BMPR2: variants seen among roughly 807,000 people sequenced by gnomAD.
BMPR2 encodes bone morphogenetic protein receptor type-2.
In BMPR2, 29 loss-of-function variants were observed where a neutral mutation model predicts 100.8. That is an observed-to-expected ratio of 0.29 (90% CI 0.21 to 0.39). The LOEUF is 0.39. BMPR2 is among the 10% of genes least tolerant of loss of function. The probability of loss-of-function intolerance (pLI) is 1.00; values close to 1 mark genes in which losing one functional copy is unlikely to be tolerated. For missense variants in BMPR2, 1,011 were observed against 1,274.5 expected (o/e 0.79, Z 3.15); for synonymous variants, 382 against 442.3 (o/e 0.86, Z 1.71).
intron 12 of BMPR2, among the ~76,000 whole-genome samples, chr2:202,558,892 CAA>C (rs538329842): frequency 3.8e-4 from 31 of 81,400 alleles, no homozygotes; most frequent in East Asian, 4.4e-4. Flanking sequence ...AACTCCATCT[CAA>C]AAAAAAAAAA....
chr2:202,533,973 T>G (rs1413965351), intron 9 of BMPR2, among the ~76,000 whole-genome samples: 1 of 152,162 alleles, frequency 6.6e-6, no homozygotes, highest in East Asian at 1.9e-4. Flanking sequence ...TGCATTCTTC[T>G]AGGTGCTATA....
At chr2:202,513,636 G>A in intron 3 of BMPR2, 83 bp from the exon 4 acceptor site, 1 of 981,204 alleles carries the variant, frequency 1.0e-6, no homozygotes, top group East Asian at 2.5e-5. Flanking sequence ...CATGGGTACA[G>A]CCTTTCTAAA....
rs1688288741 is a variant in BMPR2, at chr2:202,542,195, T to C, written c.1277-116T>C. On this transcript the variant is annotated intron_variant, in intron 9 of 12. Coordinates refer to ENST00000374580, the MANE Select transcript of BMPR2 (RefSeq NM_001204.7). ...AATGTGCCTGAAGGGGATGAAAAAA[T>C]AAAAAGATTGTGACACAATTTTTTT... 2.4e-6 allele frequency: 3 copies of C among 1,235,308 alleles called. No homozygotes were observed. The South Asian group carries it at 4.0e-5, about 16-fold the overall frequency. 76.5% of individuals were successfully genotyped at this position (1,235,308 alleles called of 1,614,324 possible). A position where few individuals can be genotyped will look rare whatever the true frequency, so the allele number is the denominator to read the frequency against.
At chr2:202,475,878 C>T (rs898922170) in intron 3 of BMPR2, among the ~76,000 whole-genome samples, 2 of 151,766 alleles carry the variant, frequency 1.3e-5, no homozygotes, top group African/African-American at 4.9e-5. Flanking sequence ...TGAGACCAGA[C>T]TGATCAACAT....
chr2:202,449,798 A>C (rs1361144015), intron 1 of BMPR2, among the ~76,000 whole-genome samples: 1 of 152,120 alleles, frequency 6.6e-6, no homozygotes, highest in Non-Finnish European at 1.5e-5. Flanking sequence ...ATTTTGCTGT[A>C]ATATATTATA....
intron 1 of BMPR2, among the ~76,000 whole-genome samples, chr2:202,410,617 TCAC>T (rs1690993677): frequency 6.6e-6 from 1 of 152,170 alleles, no homozygotes. Context: ...TCTTGCTCTG[TCAC>T]CCAGGCTGGA....
rs1250196302 is a variant in BMPR2, at chr2:202,532,933, G to T, written c.1276+201G>T. On this transcript the variant is annotated intron_variant, in intron 9 of 12. Coordinates refer to ENST00000374580, the MANE Select transcript of BMPR2 (RefSeq NM_001204.7). This position sits in a 1 kb window ranked among gnomAD's most constrained non-coding sequence, Gnocchi z 4.1. ...AATTTTTTTTTTTAGAGTACTCCAGGTTTTCATCTGAGTGAAATTTAATTA... is the reference window on the plus strand; with the variant it reads ...AATTTTTTTTTTTAGAGTACTCCAGTTTTTCATCTGAGTGAAATTTAATTA... 6.6e-6 allele frequency among the ~76,000 whole-genome samples: 1 copy of T among 151,698 alleles called. No homozygotes were observed. The highest frequency in any genetic ancestry group is 1.5e-5 in the Non-Finnish European group (1 of 67,950).
Position 202,567,104 on chromosome 2 carries a change from T to G in BMPR2, c.*7158T>G, listed in dbSNP as rs1254793210. On this transcript the variant is annotated 3_prime_UTR_variant, in exon 13 of 13. Coordinates refer to ENST00000374580, the MANE Select transcript of BMPR2 (RefSeq NM_001204.7). ...AGAGATTATATTGTATCAGTGTTTA[T>G]GTAAGCTGGAATCATCCTCAGTTTT... The G allele has an allele frequency of 1.3e-5, 2 of 152,274 alleles. No individual in the cohort carries two copies. Among genetic ancestry groups the G allele is most frequent in the Non-Finnish European group, 2.9e-5 (2 of 68,042 alleles). 9.4% of individuals were successfully genotyped at this position (152,274 alleles called of 1,614,324 possible). A position where few individuals can be genotyped will look rare whatever the true frequency, so the allele number is the denominator to read the frequency against.
intron 10 of BMPR2, 72 bp from the exon 11 acceptor site, chr2:202,552,644 G>A: frequency 6.6e-7 from 1 of 1,521,608 alleles, no homozygotes; most frequent in Admixed American, 1.7e-5. Context: ...TTTACCTCAT[G>A]TGGTAAACTG....
chr2:202,397,789 C>G (rs1690683146), intron 1 of BMPR2, among the ~76,000 whole-genome samples: 1 of 151,068 alleles, frequency 6.6e-6, no homozygotes, highest in Non-Finnish European at 1.5e-5. Flanking sequence ...CGTGAGCCAC[C>G]ATGCCTGGCC....
At chr2:202,428,859 C>G (rs1160404206) in intron 1 of BMPR2, among the ~76,000 whole-genome samples, 1 of 152,176 alleles carries the variant, frequency 6.6e-6, no homozygotes, top group Non-Finnish European at 1.5e-5. Flanking sequence ...CTCCATCTTT[C>G]CACATATATC....
At chr2:202,467,192 G>A in intron 2 of BMPR2, 1 of 337,884 alleles carries the variant, frequency 3.0e-6, no homozygotes, top group Non-Finnish European at 5.6e-6. Context: ...GAACCCGGGA[G>A]GTGGAGATTG....
intron 1 of BMPR2, among the ~76,000 whole-genome samples, chr2:202,424,524 C>T (rs1212675442): frequency 1.3e-5 from 2 of 151,784 alleles, no homozygotes; most frequent in Non-Finnish European, 2.9e-5. Flanking sequence ...AGTGAAACCC[C>T]GTCTCTACTA....
intron 10 of BMPR2, among the ~76,000 whole-genome samples, chr2:202,549,539 C>T (rs993139027): frequency 2.0e-5 from 3 of 151,874 alleles, no homozygotes; most frequent in African/African-American, 4.8e-5. Context: ...GGCGCAGTGG[C>T]GGAGTTCAAG....
At chr2:202,515,397 C>A (rs1298251142) in intron 5 of BMPR2, among the ~76,000 whole-genome samples, 1 of 151,574 alleles carries the variant, frequency 6.6e-6, no homozygotes, top group Non-Finnish European at 1.5e-5. Flanking sequence ...CATGAAGAAA[C>A]CCTGTCTCTG....
intron 1 of BMPR2, among the ~76,000 whole-genome samples, chr2:202,438,786 A>G (rs559099987): frequency 6.6e-6 from 1 of 150,694 alleles, no homozygotes; most frequent in South Asian, 2.1e-4. Flanking sequence ...ATAAGGGTTT[A>G]TCTCTGAACT....
chr2:202,414,167 TG>T, intron 1 of BMPR2, among the ~76,000 whole-genome samples: 1 of 152,306 alleles, frequency 6.6e-6, no homozygotes, highest in East Asian at 1.9e-4. Flanking sequence ...TGGTAATTCT[TG>T]CAATGTTGCA....
chr2:202,408,027 G>C (rs1192931152), intron 1 of BMPR2, among the ~76,000 whole-genome samples: 1 of 151,828 alleles, frequency 6.6e-6, no homozygotes, highest in Non-Finnish European at 1.5e-5. Flanking sequence ...TAGAGACGGG[G>C]TTTCACCGTG....
chr2:202,555,119 A>T, intron 11 of BMPR2, 133 bp from the exon 12 acceptor site: 1 of 824,656 alleles, frequency 1.2e-6, no homozygotes, highest in East Asian at 2.6e-5. Context: ...TAGACTTTTT[A>T]ACCTTTAGAA....
Sources: gnomAD v4.1 joint callset for allele counts (sites outside exome capture counted in the v4.1 genomes callset) on GRCh38, gnomAD v4.1.1 for gene constraint, Gnocchi (gnomAD v3.1) non-coding constraint, MANE v1.5 for transcripts, NCBI Gene and HGNC (gene_info 2026-07-23, HGNC 2026-07-21) for gene names.